Variants in PBX4 observed in about 807,000 individuals in gnomAD.
PBX4 encodes PBX homeobox 4, also known as pre-B-cell leukemia transcription factor 4.
PBX4 carries 26 observed loss-of-function variants against 35.1 expected under a neutral mutation model. The ratio of observed to expected loss-of-function variants is 0.74; its 90% CI spans 0.54 to 1.03. The LOEUF (loss-of-function observed/expected upper bound fraction) is 1.03, where lower values mean the gene tolerates loss of function less well. Ranked by LOEUF, PBX4 falls within the 50% of genes least tolerant of loss-of-function variation. The probability of loss-of-function intolerance (pLI) is 0.00; values close to 1 mark genes in which losing one functional copy is unlikely to be tolerated. For synonymous variants in PBX4, 199 were observed against 204.2 expected, an observed-to-expected ratio of 0.97 and a Z score of 0.22; for missense variants, 448 against 504.3, an observed-to-expected ratio of 0.89 and a Z score of 1.07.
intron 1 of PBX4, among the ~76,000 whole-genome samples, chr19:19,615,165 CAAAAAAAA>C (rs33921244): frequency 7.4e-5 from 4 of 54,158 alleles, no homozygotes; most frequent in Non-Finnish European, 9.5e-5. Flanking sequence ...ACCCTGTCTC[CAAAAAAAA>C]AAAAAAAAAA....
intron 1 of PBX4, among the ~76,000 whole-genome samples, chr19:19,605,612 T>C (rs2061626212): frequency 6.6e-6 from 1 of 151,284 alleles, no homozygotes; most frequent in African/African-American, 2.4e-5. Flanking sequence ...GGCGACAGAG[T>C]GAGACCCTGT....
chr19:19,579,077 G>A (rs1456288921), intron 2 of PBX4, among the ~76,000 whole-genome samples: 2 of 152,024 alleles, frequency 1.3e-5, no homozygotes, highest in African/African-American at 2.4e-5. Context: ...TGGGCCGGGC[G>A]TGGTGGCTCA....
chr19:19,578,942 T>C (rs1600411214), intron 2 of PBX4, among the ~76,000 whole-genome samples: 1 of 152,140 alleles, frequency 6.6e-6, no homozygotes, highest in South Asian at 2.1e-4. Flanking sequence ...CACAGTAAGA[T>C]GGCGGCCGCC....
At chr19:19,582,153 A>G (rs1327211628) in intron 2 of PBX4, among the ~76,000 whole-genome samples, 1 of 151,280 alleles carries the variant, frequency 6.6e-6, no homozygotes, top group African/African-American at 2.4e-5. Flanking sequence ...GCTGCTGCAC[A>G]CTCCTCTCAC....
At chr19:19,573,210 C>A (rs886827904) in intron 2 of PBX4, among the ~76,000 whole-genome samples, 5 of 151,724 alleles carry the variant, frequency 3.3e-5, no homozygotes, top group African/African-American at 1.2e-4. Context: ...GAGGCTGAGG[C>A]AGGAGAATCG....
chr19:19,599,541 C>A (rs1045158576), intron 1 of PBX4, among the ~76,000 whole-genome samples, 176 bp from the exon 2 acceptor site: 1 of 151,908 alleles, frequency 6.6e-6, no homozygotes, highest in African/African-American at 2.4e-5. Flanking sequence ...TTGATTTGCA[C>A]AAAATCAATA....
chr19:19,618,493 C>G lies in PBX4; in HGVS notation c.119+18G>C, dbSNP rs1386238508. The G allele has an allele frequency of 2.7e-6, 4 of 1,460,852 alleles. No individual in the cohort carries two copies. The highest frequency in any genetic ancestry group is 3.6e-6 in the Non-Finnish European group (4 of 1,101,096). 90.5% of individuals were successfully genotyped at this position (1,460,852 alleles called of 1,614,324 possible). ...TGCCACGACCCTGCGTGGCCCCTGCCGAGCCCGCGGGCAGCACCTGGCCTG... is the reference window on the plus strand; with the variant it reads ...TGCCACGACCCTGCGTGGCCCCTGCGGAGCCCGCGGGCAGCACCTGGCCTG... On this transcript the variant is annotated intron_variant, in intron 1 of 7. Transcript: ENST00000251203.
In PBX4 at chr19:19,589,149, C is replaced by T. The variant is rs146029232; in HGVS notation, c.193+10143G>A. Among the ~76,000 whole-genome samples, 652 of 152,222 alleles carry T rather than the reference C, an allele frequency of 4.3e-3. 5 individuals are homozygous for T. The highest frequency in any genetic ancestry group is 0.015 in the African/African-American group (609 of 41,546). On this transcript the variant is annotated intron_variant, in intron 2 of 7. Coordinates refer to ENST00000251203, the MANE Select transcript of PBX4 (RefSeq NM_025245.3). ...CTCAAAAAAAGAACGTAAAAAGAGG[C>T]TGGGTGCGGTGGCTCACACCTATAG...
intron 2 of PBX4, among the ~76,000 whole-genome samples, chr19:19,572,486 T>C: frequency 6.6e-6 from 1 of 151,988 alleles, no homozygotes; most frequent in East Asian, 1.9e-4. Flanking sequence ...ATTCCCTACA[T>C]AACAGATGAA....
intron 1 of PBX4, chr19:19,608,071 G>A (rs1297802215): frequency 3.9e-5 from 6 of 152,186 alleles, no homozygotes; most frequent in African/African-American, 1.4e-4. Flanking sequence ...TAAAACTGCA[G>A]GCCGGGCGCG....
intron 5 of PBX4, among the ~76,000 whole-genome samples, chr19:19,567,622 C>T (rs941378570): frequency 1.8e-4 from 28 of 152,184 alleles, no homozygotes; most frequent in African/African-American, 6.8e-4. Flanking sequence ...GGGGTATGGC[C>T]TGGACCTGGC....
At chr19:19,574,581 CT>C (rs2061407305) in intron 2 of PBX4, among the ~76,000 whole-genome samples, 1 of 152,004 alleles carries the variant, frequency 6.6e-6, no homozygotes, top group Non-Finnish European at 1.5e-5. Flanking sequence ...AAAAGTGTCC[CT>C]TTTATTAGCT....
Position 19,588,351 on chromosome 19 carries a change from C to T in PBX4, c.193+10941G>A, listed in dbSNP as rs375124632. 1,768 of 1,260,180 alleles carry T rather than the reference C, an allele frequency of 1.4e-3. 25 individuals are homozygous for T. In the South Asian group the frequency reaches 0.017, roughly 12 times the overall value. The allele number at this position is 1,260,180 out of a possible 1,614,324, so 78.1% of individuals were successfully genotyped here. ...CACATTTGCCATCACATTTTTCACA[C>T]AGTCATCTGATGGCAACACCAGCCT... is the stretch of plus-strand genomic sequence containing the variant. On this transcript the variant is annotated intron_variant, in intron 2 of 7. Coordinates refer to ENST00000251203, the MANE Select transcript of PBX4 (RefSeq NM_025245.3).
intron 1 of PBX4, among the ~76,000 whole-genome samples, chr19:19,600,025 C>T (rs2061587255): frequency 6.6e-6 from 1 of 151,456 alleles, no homozygotes. Context: ...ACCTGTAATC[C>T]CAGCTACTCA....
intron 1 of PBX4, among the ~76,000 whole-genome samples, chr19:19,602,863 C>A (rs1017983640): frequency 3.3e-5 from 5 of 152,122 alleles, no homozygotes; most frequent in African/African-American, 4.8e-5. Flanking sequence ...ATCAACCAAT[C>A]AAAAGCCCAC....
chr19:19,583,930 A>T (rs1206715574), intron 2 of PBX4, among the ~76,000 whole-genome samples: 1 of 151,948 alleles, frequency 6.6e-6, no homozygotes, highest in Non-Finnish European at 1.5e-5. Context: ...TTAGCTGGGC[A>T]TGGTGGCACA....
At chr19:19,596,649 G>C (rs1030192766) in intron 2 of PBX4, among the ~76,000 whole-genome samples, 3 of 152,084 alleles carry the variant, frequency 2.0e-5, no homozygotes, top group Non-Finnish European at 4.4e-5. Flanking sequence ...AGGCAGAACA[G>C]AATATGAGCC....
chr19:19,565,186 C>T, intron 5 of PBX4, 97 bp from the exon 6 acceptor site: 2 of 1,440,568 alleles, frequency 1.4e-6, no homozygotes, highest in Non-Finnish European at 1.9e-6. Flanking sequence ...GCTCCCACTG[C>T]CTTAGAAGAC....
intron 2 of PBX4, among the ~76,000 whole-genome samples, chr19:19,590,616 A>G (rs886526471): frequency 6.6e-6 from 1 of 151,842 alleles, no homozygotes; most frequent in Admixed American, 6.6e-5. Flanking sequence ...TTACAGGCAT[A>G]TGCCACCACG....
Sources: gnomAD v4.1 joint callset for allele counts (sites outside exome capture counted in the v4.1 genomes callset) on GRCh38, gnomAD v4.1.1 for gene constraint, MANE v1.5 for transcripts, NCBI Gene and HGNC (gene_info 2026-07-23, HGNC 2026-07-21) for gene names.